LHFPL6: variants seen among roughly 807,000 people sequenced by gnomAD.
The protein encoded by LHFPL6 is LHFPL tetraspan subfamily member 6 protein.
Under a neutral mutation model 20.6 loss-of-function variants are expected in LHFPL6, and 9 were observed. The observed-to-expected ratio is 0.44, with a 90% CI of 0.26 to 0.76. LHFPL6 has a LOEUF of 0.76. Among genes scored for constraint, LHFPL6 ranks in the 30% least tolerant of loss-of-function variants. The probability of loss-of-function intolerance (pLI) is 0.20; values close to 1 mark genes in which losing one functional copy is unlikely to be tolerated. For missense variants in LHFPL6, 218 were observed against 253.5 expected (o/e 0.86, Z 0.95); for synonymous variants, 105 against 98.7 (o/e 1.06, Z -0.38).
intron 2 of LHFPL6, among the ~76,000 whole-genome samples, chr13:39,486,138 C>A (rs1226524130): frequency 6.6e-6 from 1 of 152,140 alleles, no homozygotes; most frequent in Non-Finnish European, 1.5e-5. Context: ...ATTTGCAGGT[C>A]TCACTCTCTT....
At chr13:39,358,663 G>GA (rs1869790745) in intron 3 of LHFPL6, among the ~76,000 whole-genome samples, 1 of 152,078 alleles carries the variant, frequency 6.6e-6, no homozygotes, top group Admixed American at 6.6e-5. Flanking sequence ...CTAATATCCA[G>GA]AATCTGTAAG....
chr13:39,355,230 G>A (rs1869692781), intron 3 of LHFPL6, among the ~76,000 whole-genome samples: 3 of 151,730 alleles, frequency 2.0e-5, no homozygotes, highest in African/African-American at 7.3e-5. Context: ...AGAGATTAGG[G>A]GCCTATTTTC....
chr13:39,530,496 A>T (rs1358946681), intron 2 of LHFPL6, among the ~76,000 whole-genome samples: 1 of 152,070 alleles, frequency 6.6e-6, no homozygotes, highest in Non-Finnish European at 1.5e-5. Flanking sequence ...AGTGCAGGTA[A>T]ACAAGATCAG....
intron 2 of LHFPL6, among the ~76,000 whole-genome samples, chr13:39,487,669 C>T (rs1868771323): frequency 6.6e-6 from 1 of 152,198 alleles, no homozygotes; most frequent in African/African-American, 2.4e-5. Flanking sequence ...CGATACAGTG[C>T]ATTCAGGTTA....
chr13:39,509,495 C>T (rs6563716), intron 2 of LHFPL6, among the ~76,000 whole-genome samples: 4 of 151,664 alleles, frequency 2.6e-5, no homozygotes, highest in South Asian at 2.1e-4. Context: ...TTAAGGTATG[C>T]GCTGAAGTTT....
At chr13:39,479,251 G>A (rs1232809044) in intron 2 of LHFPL6, among the ~76,000 whole-genome samples, 1 of 152,070 alleles carries the variant, frequency 6.6e-6, no homozygotes, top group Non-Finnish European at 1.5e-5. Context: ...CAGAGTAACA[G>A]CAAGATGGCA....
chr13:39,363,971 C>T (rs1264496273), intron 3 of LHFPL6, among the ~76,000 whole-genome samples: 1 of 152,236 alleles, frequency 6.6e-6, no homozygotes, highest in Non-Finnish European at 1.5e-5. Flanking sequence ...ATTGTGCAAA[C>T]ATCATAGAGT....
chr13:39,566,731 TAAAA>T (rs3035077), intron 2 of LHFPL6, among the ~76,000 whole-genome samples: 120 of 70,072 alleles, frequency 1.7e-3, no homozygotes, highest in African/African-American at 5.9e-3. Flanking sequence ...AGACCCTGTC[TAAAA>T]AAAAAAAAAA....
At chr13:39,418,067 C>T (rs1871388857) in intron 2 of LHFPL6, among the ~76,000 whole-genome samples, 1 of 152,066 alleles carries the variant, frequency 6.6e-6, no homozygotes, top group South Asian at 2.1e-4. Context: ...CAAAACCAAA[C>T]AAACCCCACA....
chr13:39,517,153 C>T (rs1326303193), intron 2 of LHFPL6, among the ~76,000 whole-genome samples: 4 of 152,040 alleles, frequency 2.6e-5, no homozygotes, highest in Admixed American at 6.6e-5. Context: ...TACTGTGGAC[C>T]GTAGGGGGGT....
chr13:39,400,762 G>A (rs555571899), intron 2 of LHFPL6, among the ~76,000 whole-genome samples: 18 of 102,588 alleles, frequency 1.8e-4, no homozygotes, highest in Admixed American at 1.4e-3. Flanking sequence ...CAGCCTGGGC[G>A]ACAGAGCGAG....
At chr13:39,425,015 A>G (rs1359504253) in intron 2 of LHFPL6, among the ~76,000 whole-genome samples, 2 of 152,158 alleles carry the variant, frequency 1.3e-5, no homozygotes, top group Non-Finnish European at 1.5e-5. Context: ...AAGATAATGA[A>G]CATATCTATC....
At chr13:39,510,044 G>T (rs951288749) in intron 2 of LHFPL6, among the ~76,000 whole-genome samples, 1 of 152,172 alleles carries the variant, frequency 6.6e-6, no homozygotes, top group African/African-American at 2.4e-5. Context: ...AGAAACTCAC[G>T]GTGCTCAAAG....
intron 2 of LHFPL6, among the ~76,000 whole-genome samples, chr13:39,451,001 AAG>A (rs1168058750): frequency 6.6e-6 from 1 of 152,182 alleles, no homozygotes. Context: ...ATTTACCACG[AAG>A]AGTTTTATTC....
intron 2 of LHFPL6, among the ~76,000 whole-genome samples, chr13:39,401,278 A>G (rs1870983845): frequency 6.6e-6 from 1 of 152,242 alleles, no homozygotes; most frequent in African/African-American, 2.4e-5. Context: ...CAATGAAAGT[A>G]GAGGCTAGGC....
chr13:39,475,912 C>T (rs779873696), intron 2 of LHFPL6, among the ~76,000 whole-genome samples: 1 of 152,046 alleles, frequency 6.6e-6, no homozygotes, highest in African/African-American at 2.4e-5. Context: ...GTCTCCCTAT[C>T]CCCAAGAAGA....
At chr13:39,555,098 G>C (rs893028479) in intron 2 of LHFPL6, among the ~76,000 whole-genome samples, 1 of 152,116 alleles carries the variant, frequency 6.6e-6, no homozygotes, top group Non-Finnish European at 1.5e-5. Context: ...TAAGCTTTTG[G>C]CTCCTTCAAA....
chr13:39,602,687 G>A (rs929376510), intron 1 of LHFPL6, among the ~76,000 whole-genome samples, 196 bp downstream of exon 1: 1 of 152,244 alleles, frequency 6.6e-6, no homozygotes, highest in Non-Finnish European at 1.5e-5. Context: ...GAAGGGAGGG[G>A]ATAAGGATGG....
chr13:39,473,168 G>A (rs888776512), intron 2 of LHFPL6, among the ~76,000 whole-genome samples: 4 of 151,694 alleles, frequency 2.6e-5, no homozygotes, highest in African/African-American at 9.7e-5. Context: ...TTTCCATGGA[G>A]GCCTCCTTTT....
Sources: allele counts gnomAD v4.1 joint callset (sites outside exome capture counted in the v4.1 genomes callset), GRCh38; gene constraint gnomAD v4.1.1; transcripts MANE v1.5; gene names NCBI Gene and HGNC (gene_info 2026-07-23, HGNC 2026-07-21).